PLEKHS1: variants seen among roughly 807,000 people sequenced by gnomAD.
PLEKHS1 encodes the protein pleckstrin homology domain-containing family S member 1.
PLEKHS1 carries 55 observed loss-of-function variants against 51.0 expected under a neutral mutation model. That is an observed-to-expected ratio of 1.08 (90% CI 0.87 to 1.35). PLEKHS1 has a LOEUF of 1.35. Among genes scored for constraint, PLEKHS1 ranks in the 40% most tolerant of loss-of-function variants. The probability of loss-of-function intolerance (pLI) is 0.00; values close to 1 mark genes in which losing one functional copy is unlikely to be tolerated. For synonymous variants in PLEKHS1, 153 were observed against 144.8 expected (o/e 1.06, Z -0.41); for missense variants, 398 against 423.0 (o/e 0.94, Z 0.52).
intron 6 of PLEKHS1, 64 bp from the exon 7 acceptor site, chr10:113,769,720 G>A (rs1844314963): frequency 1.3e-5 from 13 of 996,112 alleles, no homozygotes; most frequent in Non-Finnish European, 2.1e-5. Context: ...CCGGTAGAGA[G>A]GCTGCCGTTT....
chr10:113,782,189 G>A (rs1844885570), exon 12 of PLEKHS1: 1 of 152,076 alleles, frequency 6.6e-6, no homozygotes, highest in South Asian at 2.1e-4. Context: ...GCTTCACATG[G>A]AAAAAATCGA....
chr10:113,781,894 A>G (rs1844880819), exon 12 of PLEKHS1: 3 of 152,380 alleles, frequency 2.0e-5, no homozygotes, highest in Admixed American at 2.0e-4. Context: ...TTTGGATTCA[A>G]TAAGTATCTT....
chr10:113,759,928 C>T (rs1843846698), intron 2 of PLEKHS1, among the ~76,000 whole-genome samples: 1 of 152,054 alleles, frequency 6.6e-6, no homozygotes, highest in Non-Finnish European at 1.5e-5. Context: ...TAAGTTTTGG[C>T]AAATGTACAC....
At chr10:113,777,718 C>G (rs1437246659) in intron 11 of PLEKHS1, 1 of 1,501,410 alleles carries the variant, frequency 6.7e-7, no homozygotes, top group Non-Finnish European at 8.9e-7. Flanking sequence ...ACTTTTACTT[C>G]TACTACAACT....
At chr10:113,772,505 A>G (rs1389367354) in intron 8 of PLEKHS1, among the ~76,000 whole-genome samples, 1 of 152,188 alleles carries the variant, frequency 6.6e-6, no homozygotes, top group Non-Finnish European at 1.5e-5. Context: ...CTGTGTATCG[A>G]TCAGTCTATT....
intron 8 of PLEKHS1, 150 bp from the exon 9 acceptor site, chr10:113,774,077 G>T: frequency 3.6e-6 from 2 of 555,198 alleles, no homozygotes; most frequent in Non-Finnish European, 6.2e-6. Flanking sequence ...GCGGAGGTAA[G>T]GTTGGTTGAT....
chr10:113,756,143 C>A lies in PLEKHS1; in HGVS notation c.28+838C>A, dbSNP rs547417616. On this transcript the variant is annotated intron_variant, in intron 2 of 11. Coordinates refer to ENST00000361048, the Ensembl canonical transcript of PLEKHS1. ...TACAAAGCACCTATTACTAGTGAGT[C>A]TTTGTGCTTTATGTTGCAGGGGATA... 2.6e-5 allele frequency among the ~76,000 whole-genome samples: 4 copies of A among 152,280 alleles called. No homozygotes were observed. The East Asian group carries it at 7.7e-4, about 29-fold the overall frequency.
chr10:113,777,641 G>C, intron 11 of PLEKHS1: 1 of 1,533,422 alleles, frequency 6.5e-7, no homozygotes, highest in Non-Finnish European at 8.8e-7. Context: ...AATTAAATGA[G>C]GTAATATGTG....
chr10:113,764,543 T>C (rs1344048055), intron 2 of PLEKHS1, among the ~76,000 whole-genome samples: 2 of 152,256 alleles, frequency 1.3e-5, no homozygotes, highest in Non-Finnish European at 2.9e-5. Context: ...ATTGCTGGTT[T>C]TGAACAATTG....
intron 8 of PLEKHS1, among the ~76,000 whole-genome samples, chr10:113,772,323 G>A (rs1157904978): frequency 2.0e-5 from 3 of 152,162 alleles, no homozygotes; most frequent in African/African-American, 4.8e-5. Flanking sequence ...ATGAGCTATG[G>A]GAGGAGGAGA....
At position 113,769,811 on chromosome 10, in the gene PLEKHS1, AC is replaced by A; in HGVS notation, c.466del (p.Leu156SerfsTer31). 2.5e-6 allele frequency: 4 copies of A among 1,613,684 alleles called. No homozygotes were observed. The highest frequency in any genetic ancestry group is 3.4e-6 in the Non-Finnish European group (4 of 1,179,722). On this transcript the variant is annotated frameshift_variant, in exon 7 of 12. Transcript: ENST00000361048. LOFTEE classifies it high-confidence loss of function. ...GGAACTCTCATTGGGTAATAAAAGA[AC>A]CCTCTTCTACTCCAGCCCTCTCCTT...
chr10:113,774,756 T>C (rs2134565659), intron 9 of PLEKHS1, 70 bp from the exon 10 acceptor site: 6 of 1,416,910 alleles, frequency 4.2e-6, no homozygotes, highest in Non-Finnish European at 5.9e-6. Context: ...TACTTAAATC[T>C]GACACACACA....
At chr10:113,759,853 TA>T (rs925387635) in intron 2 of PLEKHS1, among the ~76,000 whole-genome samples, 1 of 152,224 alleles carries the variant, frequency 6.6e-6, no homozygotes, top group Non-Finnish European at 1.5e-5. Context: ...TTAGATTTTT[TA>T]AAAAGCTTTA....
chr10:113,753,999 G>A (rs1236318554), intron 1 of PLEKHS1, among the ~76,000 whole-genome samples: 2 of 151,962 alleles, frequency 1.3e-5, no homozygotes, highest in East Asian at 3.9e-4. Context: ...GTAGAGATGG[G>A]GTTTTGCCAT....
chr10:113,766,662 C>T (rs767668372), exon 4 of PLEKHS1: 2 of 1,612,964 alleles, frequency 1.2e-6, no homozygotes, highest in Non-Finnish European at 8.5e-7. Context: ...GGGAAAAGAG[C>T]TTTAGTCTTT....
At chr10:113,780,714 G>C in exon 12 of PLEKHS1, 1 of 1,609,694 alleles carries the variant, frequency 6.2e-7, no homozygotes, top group Non-Finnish European at 8.5e-7. Flanking sequence ...GATAAGCCTA[G>C]ACTGAACAGA....
At chr10:113,756,410 A>G (rs7067756) in intron 2 of PLEKHS1, among the ~76,000 whole-genome samples, 117,021 of 152,102 alleles carry the variant, frequency 0.77, 45,241 homozygotes, top group Middle Eastern at 0.83. Context: ...GCAGAGAGCC[A>G]AGATCGCACC....
chr10:113,778,675 G>A (rs11196480), intron 11 of PLEKHS1, among the ~76,000 whole-genome samples: 21,050 of 133,346 alleles, frequency 0.16, 1,815 homozygotes, highest in Middle Eastern at 0.26. Flanking sequence ...ACGGAGTCTC[G>A]CTCTTTCGCC....
chr10:113,774,831 T>A, exon 10 of PLEKHS1: 2 of 1,613,632 alleles, frequency 1.2e-6, no homozygotes, highest in Non-Finnish European at 1.7e-6. Flanking sequence ...TCTAGTTTTT[T>A]CAAAGAGACA....
Sources: allele counts gnomAD v4.1 joint callset (sites outside exome capture counted in the v4.1 genomes callset), GRCh38; gene constraint gnomAD v4.1.1; transcripts MANE v1.5; gene names NCBI Gene and HGNC (gene_info 2026-07-23, HGNC 2026-07-21).